DCAKD: variants seen among roughly 807,000 people sequenced by gnomAD.
The protein encoded by DCAKD is dephospho-CoA kinase domain-containing protein.
A neutral mutation model predicts 18.7 loss-of-function variants in DCAKD; 15 were observed. The ratio of observed to expected loss-of-function variants is 0.80; its 90% CI spans 0.54 to 1.24. The LOEUF (loss-of-function observed/expected upper bound fraction) is 1.24. Among genes scored for constraint, DCAKD ranks in the 50% most tolerant of loss-of-function variants. The pLI is 0.00. For synonymous variants in DCAKD, 130 were observed against 133.0 expected, an observed-to-expected ratio of 0.98 and a Z score of 0.16; for missense variants, 301 against 322.0, an observed-to-expected ratio of 0.93 and a Z score of 0.50.
chr17:45,048,804 T>C (rs911310148), intron 1 of DCAKD, among the ~76,000 whole-genome samples: 5 of 146,576 alleles, frequency 3.4e-5, no homozygotes, highest in African/African-American at 1.3e-4. Context: ...AGACAGACTC[T>C]GTCTCAAAAA....
chr17:45,034,491 C>G, intron 2 of DCAKD, 101 bp from the exon 3 acceptor site: 1 of 1,377,500 alleles, frequency 7.3e-7, no homozygotes. Context: ...TCGGGTGCTT[C>G]TTTCAGGTGG....
chr17:45,040,414 C>G (rs868761758), intron 1 of DCAKD, among the ~76,000 whole-genome samples: 5 of 151,214 alleles, frequency 3.3e-5, no homozygotes, highest in Middle Eastern at 3.4e-3. Context: ...AAAAGCTCCC[C>G]TGGCAAACCA....
upstream of DCAKD, among the ~76,000 whole-genome samples, chr17:45,055,362 GTTTA>G (rs143325123): frequency 0.62 from 92,131 of 149,594 alleles, 28,619 homozygotes; most frequent in Middle Eastern, 0.68. Context: ...TTTTCTGTAC[GTTTA>G]TTTATTTATT....
intron 1 of DCAKD, among the ~76,000 whole-genome samples, chr17:45,039,868 G>A (rs1487558083): frequency 3.9e-5 from 6 of 152,222 alleles, no homozygotes; most frequent in South Asian, 2.1e-4. Context: ...CAAGGTGGGC[G>A]GATCACTTGA....
At chr17:45,039,373 A>G (rs1001961628) in intron 1 of DCAKD, among the ~76,000 whole-genome samples, 9 of 152,216 alleles carry the variant, frequency 5.9e-5, no homozygotes, top group Admixed American at 3.3e-4. Flanking sequence ...GCTTACACAG[A>G]GGCAGTACAT....
At chr17:45,056,804 G>A (rs1451017031) in intron 1 of DCAKD, among the ~76,000 whole-genome samples, 1 of 150,658 alleles carries the variant, frequency 6.6e-6, no homozygotes, top group Non-Finnish European at 1.5e-5. Context: ...GCCTCGCTCT[G>A]TCACCCAGGC....
intron 3 of DCAKD, among the ~76,000 whole-genome samples, chr17:45,033,133 G>A (rs2053207827): frequency 6.6e-6 from 1 of 152,162 alleles, no homozygotes; most frequent in Non-Finnish European, 1.5e-5. Context: ...ATTGCTTGAG[G>A]CCAGGAGTTT....
intron 1 of DCAKD, among the ~76,000 whole-genome samples, chr17:45,044,793 G>A (rs2053528683): frequency 6.6e-6 from 1 of 152,226 alleles, no homozygotes; most frequent in Non-Finnish European, 1.5e-5. Context: ...CTCAAGACAA[G>A]GCTGGTTGGG....
At chr17:45,052,102 C>T (rs141126897), upstream of DCAKD, among the ~76,000 whole-genome samples, 622 of 144,822 alleles carry the variant, frequency 4.3e-3, 2 homozygotes, top group South Asian at 0.018. Context: ...GGAGGGCGGC[C>T]GGACGGACGC....
intron 1 of DCAKD, among the ~76,000 whole-genome samples, chr17:45,038,333 A>T (rs556398634): frequency 6.6e-6 from 1 of 152,026 alleles, no homozygotes; most frequent in Non-Finnish European, 1.5e-5. Context: ...CCACCCAGGC[A>T]GTTCTGATGT....
At chr17:45,040,256 G>A (rs1172886600) in intron 1 of DCAKD, among the ~76,000 whole-genome samples, 3 of 151,848 alleles carry the variant, frequency 2.0e-5, no homozygotes, top group Non-Finnish European at 4.4e-5. Context: ...GCATGGTGGC[G>A]CATGCCTGTA....
chr17:45,048,787 C>T (rs1461898428), intron 1 of DCAKD, among the ~76,000 whole-genome samples: 1 of 152,054 alleles, frequency 6.6e-6, no homozygotes, highest in Non-Finnish European at 1.5e-5. Flanking sequence ...GCCTGGGTGA[C>T]AGAGTGAGAC....
At chr17:45,025,645 A>G (rs532056729) in intron 4 of DCAKD, among the ~76,000 whole-genome samples, 1 of 152,024 alleles carries the variant, frequency 6.6e-6, no homozygotes, top group African/African-American at 2.4e-5. Flanking sequence ...GGGTTGCAGC[A>G]GCTGTTTTCT....
At chr17:45,029,600 G>C (rs2053133544) in intron 4 of DCAKD, among the ~76,000 whole-genome samples, 1 of 152,158 alleles carries the variant, frequency 6.6e-6, no homozygotes. Context: ...CCTTAGCTGG[G>C]CTGACAGTCC....
intron 1 of DCAKD, among the ~76,000 whole-genome samples, chr17:45,038,116 C>G (rs898299012): frequency 2.6e-5 from 4 of 151,268 alleles, no homozygotes; most frequent in South Asian, 2.1e-4. Flanking sequence ...TCTCTCTGTC[C>G]CCCAGGGTGG....
intron 1 of DCAKD, among the ~76,000 whole-genome samples, chr17:45,041,075 G>A (rs534706926): frequency 3.6e-4 from 55 of 152,232 alleles, no homozygotes; most frequent in African/African-American, 1.3e-3. Flanking sequence ...GACCACTCCA[G>A]TAGCCTCATG....
rs1184444797 is a variant in DCAKD at position 45,034,877 on chromosome 17, C to T, written c.9G>A (p.Leu3=). 1 of 1,614,176 alleles carries T rather than the reference C, an allele frequency of 6.2e-7. No individual in the cohort carries two copies. Among genetic ancestry groups the T allele is most frequent in the South Asian group, 1.1e-5 (1 of 91,082 alleles). MF[L]VGLTGGIASG... ...AGGCAATGCCCCCTGTCAGGCCCAC[C>T]AGAAACATCTTCCAGGAAAGAGAGC... is the stretch of plus-strand genomic sequence containing the variant. Residue 3 remains leucine (L), a synonymous_variant, in exon 2 of 5, where the codon CTG becomes CTA. Coordinates refer to ENST00000651974, the MANE Select transcript of DCAKD (RefSeq NM_001288655.2).
rs77452335 is a variant in DCAKD, at chr17:45,049,453, C to T, written c.-115+1908G>A. Among the ~76,000 whole-genome samples the T allele has an allele frequency of 3.6e-4, 54 of 149,772 alleles. No homozygotes were observed. In the East Asian group the frequency reaches 9.7e-3, roughly 27 times the overall value. ...CGGAAAAAATAAAGGAAAAAAAGAACGATTTGAAATTTCGATGGTTAAATA... is the reference window on the plus strand; with the variant it reads ...CGGAAAAAATAAAGGAAAAAAAGAATGATTTGAAATTTCGATGGTTAAATA... On this transcript the variant is annotated intron_variant, in intron 1 of 4. Coordinates refer to ENST00000651974, the MANE Select transcript of DCAKD (RefSeq NM_001288655.2).
chr17:45,037,551 C>T (rs62065790), intron 1 of DCAKD, among the ~76,000 whole-genome samples: 23,354 of 151,724 alleles, frequency 0.15, 2,045 homozygotes, highest in Middle Eastern at 0.22. Flanking sequence ...CTCCGCCTCT[C>T]AGGTTCAAGC....
Sources: gnomAD v4.1 joint callset for allele counts (sites outside exome capture counted in the v4.1 genomes callset) on GRCh38, gnomAD v4.1.1 for gene constraint, MANE v1.5 for transcripts, NCBI Gene and HGNC (gene_info 2026-07-23, HGNC 2026-07-21) for gene names.